The following FOXN4 variants were observed in gnomAD, a reference collection of about 807,000 sequenced individuals.
The protein encoded by FOXN4 is forkhead box N4.
Under a neutral mutation model 45.0 loss-of-function variants are expected in FOXN4, and 12 were observed. The observed-to-expected ratio is 0.27, with a 90% confidence interval of 0.17 to 0.43. The LOEUF (loss-of-function observed/expected upper bound fraction) is 0.43. Among genes scored for constraint, FOXN4 ranks in the 20% least tolerant of loss-of-function variants. The pLI, the probability that FOXN4 is intolerant of heterozygous loss-of-function variation, is 1.00. For missense variants in FOXN4, 560 were observed against 694.9 expected, an observed-to-expected ratio of 0.81 and a Z score of 2.18; for synonymous variants, 297 against 295.0, an observed-to-expected ratio of 1.01 and a Z score of -0.07.
In FOXN4 at chr12:109,281,708, G is replaced by A. The variant is rs188062148; in HGVS notation, c.993C>T (p.Ala331=). ...GEPEAPVLTH[A]TTVAVAHGCL... is the part of the protein sequence containing the mutation. The stretch of plus-strand genomic sequence containing the variant: ...AGCCATGCGCCACGGCCACTGTGGT[G>A]GCGTGAGTCAGCACGGGGGCCTCTG... The change falls in exon 9 of 10, where the codon GCC becomes GCT. Residue 331 remains alanine (A), a synonymous_variant. Transcript: ENST00000299162. 1.7e-5 allele frequency: 28 copies of A among 1,611,332 alleles called. No individual in the cohort carries two copies. In the East Asian group the frequency reaches 5.1e-4, roughly 30 times the overall value.
chr12:109,308,425 C>G, intron 1 of FOXN4, 101 bp from the exon 2 acceptor site: 1 of 733,542 alleles, frequency 1.4e-6, no homozygotes, highest in East Asian at 2.9e-5. Context: ...GGAGCACAAT[C>G]AACTCACAGA....
At chr12:109,305,376 A>ATG (rs2047911916) in intron 2 of FOXN4, among the ~76,000 whole-genome samples, 1 of 134,866 alleles carries the variant, frequency 7.4e-6, no homozygotes. Context: ...TGCTATTATT[A>ATG]TTGTTGTTAT....
Position 109,279,492 on chromosome 12 carries a change from G to A in FOXN4, c.*179C>T, listed in dbSNP as rs2047631820. 2.3e-6 allele frequency: 2 copies of A among 880,206 alleles called. No individual in the cohort carries two copies. Among genetic ancestry groups the A allele is most frequent in the Admixed American group, 2.8e-5 (1 of 35,944 alleles). 54.5% of individuals were successfully genotyped at this position (880,206 alleles called of 1,614,324 possible). A position where few individuals can be genotyped will look rare whatever the true frequency, so the allele number is the denominator to read the frequency against. ...ACTGCTCCGGAAGCTCCAGGGGGAG[G>A]CACGAGAAGGAGAGGGGCTGCTGAG... is the stretch of plus-strand genomic sequence containing the variant. On this transcript the variant is annotated 3_prime_UTR_variant, in exon 10 of 10. Coordinates refer to ENST00000299162, the MANE Select transcript of FOXN4 (RefSeq NM_213596.3).
At position 109,279,899 on chromosome 12, in the gene FOXN4, T is replaced by A; in HGVS notation, c.1326A>T (p.Gly442=). 6.2e-7 allele frequency: 1 copy of A among 1,613,942 alleles called. No individual in the cohort carries two copies. Among genetic ancestry groups the A allele is most frequent in the South Asian group, 1.1e-5 (1 of 91,080 alleles). ...GNLWEEMKDE[G]FSLDTLGAFA... is the part of the protein sequence containing the mutation. Reference sequence around the variant, plus strand: ...AGGCGCCCAGTGTGTCCAAGCTGAATCCCTCATCCTTCATCTCCTCCCACA... The same window carrying A: ...AGGCGCCCAGTGTGTCCAAGCTGAAACCCTCATCCTTCATCTCCTCCCACA... Residue 442 remains glycine, a synonymous_variant, in exon 10 of 10, where the codon GGA becomes GGT. Transcript: ENST00000299162.
At chr12:109,308,424 T>C in intron 1 of FOXN4, 100 bp from the exon 2 acceptor site, 1 of 741,128 alleles carries the variant, frequency 1.3e-6, no homozygotes, top group South Asian at 2.4e-5. Context: ...TGGAGCACAA[T>C]CAACTCACAG....
Position 109,287,632 on chromosome 12 carries a change from T to G in FOXN4, c.469-108A>C, listed in dbSNP as rs1334233355. ...TCCCCACCCCAGTTTCAAAACACCT[T>G]GTGTGGGGATTCACAACCGTCCAGG... On this transcript the variant is annotated intron_variant, in intron 5 of 9. Transcript: ENST00000299162. This position sits in a 1 kb window ranked among gnomAD's most constrained non-coding sequence, Gnocchi z 4.1. The G allele has an allele frequency of 1.5e-6, 2 of 1,374,940 alleles. No homozygotes were observed. The highest frequency in any genetic ancestry group is 5.1e-5 in the East Asian group (2 of 39,412). The allele number at this position is 1,374,940 out of a possible 1,614,324, so 85.2% of individuals were successfully genotyped here.
At chr12:109,306,626 C>A (rs546831846) in intron 2 of FOXN4, among the ~76,000 whole-genome samples, 1 of 152,206 alleles carries the variant, frequency 6.6e-6, no homozygotes, top group South Asian at 2.1e-4. Context: ...CTAGCTTTTA[C>A]TATCCCCATT....
intron 2 of FOXN4, among the ~76,000 whole-genome samples, chr12:109,307,945 G>A (rs2047936449): frequency 6.6e-6 from 1 of 152,142 alleles, no homozygotes; most frequent in Non-Finnish European, 1.5e-5. Context: ...AGCAGTAGCT[G>A]CTATTGTCAT....
Position 109,298,349 on chromosome 12 carries a change from T to G in FOXN4, c.87-8063A>C, listed in dbSNP as rs868206437. Among the ~76,000 whole-genome samples, 17 of 151,690 alleles carry G rather than the reference T, an allele frequency of 1.1e-4. No individual in the cohort carries two copies. In the South Asian group the frequency reaches 3.1e-3, roughly 28 times the overall value. ...GTTTCAGGTTTTTTTTTTTTGTTTT[T>G]TTTTTTTGCTTTGTTTTGTTTTGTT... is the stretch of plus-strand genomic sequence containing the variant. On this transcript the variant is annotated intron_variant, in intron 2 of 9. Transcript: ENST00000299162.
chr12:109,292,079 C>T (rs796991990), intron 2 of FOXN4, among the ~76,000 whole-genome samples: 22 of 152,318 alleles, frequency 1.4e-4, no homozygotes, highest in African/African-American at 5.1e-4. Context: ...GGGGCAGGGC[C>T]TGCTATGCCA....
chr12:109,283,862 C>A (rs10849988), intron 8 of FOXN4, among the ~76,000 whole-genome samples: 53,165 of 152,114 alleles, frequency 0.35, 10,395 homozygotes, highest in East Asian at 0.53. Flanking sequence ...ATTTAACCAA[C>A]CCCTATTGTG....
Position 109,285,446 on chromosome 12 carries a change from C to T in FOXN4, c.759G>A (p.Lys253=). The T allele has an allele frequency of 6.2e-7, 1 of 1,614,102 alleles. No homozygotes were observed. The highest frequency in any genetic ancestry group is 1.7e-5 in the Admixed American group (1 of 60,030). The change falls in exon 8 of 10, where the codon AAG becomes AAA. Residue 253 remains lysine, a synonymous_variant. Coordinates refer to ENST00000299162, the MANE Select transcript of FOXN4 (RefSeq NM_213596.3). ...AGGAGCCGCTCATCTTGTTCTCCAC[C>T]TTCTCGAAGCACTTGTTCAGAGACA... ...HNLSLNKCFE[K]VENKMSGSSR...
rs1200496198 is a variant in FOXN4, at chr12:109,279,195, G to A, written c.*476C>T. 6 of 188,236 alleles carry A rather than the reference G, an allele frequency of 3.2e-5. No individual in the cohort carries two copies. Among genetic ancestry groups the A allele is most frequent in the Admixed American group, 5.3e-5 (1 of 18,762 alleles). 11.7% of individuals were successfully genotyped at this position (188,236 alleles called of 1,614,324 possible). A position where few individuals can be genotyped will look rare whatever the true frequency, so the allele number is the denominator to read the frequency against. ...ATTTCCCGCCCTGGGCCTGTCCCCC[G>A]GAGGCTGCGGCTGAGGTTTGATCCA... On this transcript the variant is annotated 3_prime_UTR_variant, in exon 10 of 10. Coordinates refer to ENST00000299162, the MANE Select transcript of FOXN4 (RefSeq NM_213596.3).
intron 7 of FOXN4, 63 bp downstream of exon 7, chr12:109,286,585 T>G: frequency 1.3e-6 from 2 of 1,522,896 alleles, no homozygotes; most frequent in Non-Finnish European, 1.8e-6. Context: ...CAGCCCTGGA[T>G]TCTGGCAGCA....
chr12:109,303,132 C>T (rs2047882843), intron 2 of FOXN4, among the ~76,000 whole-genome samples: 1 of 152,114 alleles, frequency 6.6e-6, no homozygotes, highest in African/African-American at 2.4e-5. Context: ...TGAGTGCATG[C>T]ACACATGTGT....
chr12:109,291,068 C>T lies in FOXN4; in HGVS notation c.87-782G>A, dbSNP rs973962844. Among the ~76,000 whole-genome samples the T allele has an allele frequency of 3.9e-5, 6 of 152,250 alleles. No homozygotes were observed. The South Asian group carries it at 1.0e-3, about 26-fold the overall frequency. On this transcript the variant is annotated intron_variant, in intron 2 of 9. Coordinates refer to ENST00000299162, the MANE Select transcript of FOXN4 (RefSeq NM_213596.3). This position sits in a 1 kb window ranked among gnomAD's most constrained non-coding sequence, Gnocchi z 6.6. ...CAGTCAGTGCCTCCTGAAGCCTGAG[C>T]CCTTCAACTCGACCCCTGGTGGTCC...
Position 109,288,106 on chromosome 12 carries a change from C to T in FOXN4, c.307G>A (p.Ala103Thr). ...CCCAGACCTGGCATGCCTCGGGGGG[C>T]CATGCCTGCTGGGCCATGGAGAAGG... ...SPLLHGPAGM[A>T]PRGMPGLGPI... Residue 103 changes from alanine (A) to threonine (T), a missense_variant, in exon 4 of 10, where the codon GCC becomes ACC. By Grantham distance (58) the Ala-to-Thr change is moderately conservative (BLOSUM62 0). Coordinates refer to ENST00000299162, the MANE Select transcript of FOXN4 (RefSeq NM_213596.3). The surrounding 1 kb of genome is among the most constrained non-coding windows in gnomAD (Gnocchi z 4.3). 1.3e-6 allele frequency: 2 copies of T among 1,546,584 alleles called. No individual in the cohort carries two copies. Among genetic ancestry groups the T allele is most frequent in the Middle Eastern group, 1.7e-4 (1 of 5,940 alleles).
chr12:109,278,166 C>T lies in FOXN4; in HGVS notation c.*1505G>A, dbSNP rs777839287. 6 of 152,224 alleles carry T rather than the reference C, an allele frequency of 3.9e-5. No homozygotes were observed. Among genetic ancestry groups the T allele is most frequent in the African/African-American group, 1.2e-4 (5 of 41,454 alleles). The allele number at this position is 152,224 out of a possible 1,614,324, so 9.4% of individuals were successfully genotyped here. A position where few individuals can be genotyped will look rare whatever the true frequency, so the allele number is the denominator to read the frequency against. On this transcript the variant is annotated 3_prime_UTR_variant, in exon 10 of 10. Transcript: ENST00000299162. ...ATTGTGTCTAAGGGTGGTGGATACT[C>T]GGTAGAAAGTTCCAGAACTGGGAAA... is the stretch of plus-strand genomic sequence containing the variant.
At chr12:109,284,444 C>T (rs1335697394) in intron 8 of FOXN4, among the ~76,000 whole-genome samples, 1 of 132,102 alleles carries the variant, frequency 7.6e-6, no homozygotes, top group African/African-American at 3.3e-5. Context: ...TGTGTGCATG[C>T]ATATGTGTGC....
Sources: allele counts gnomAD v4.1 joint callset (sites outside exome capture counted in the v4.1 genomes callset), GRCh38; gene constraint gnomAD v4.1.1; non-coding constraint Gnocchi (gnomAD v3.1); transcripts MANE v1.5; gene names NCBI Gene and HGNC (gene_info 2026-07-23, HGNC 2026-07-21).